UPF3B: variants seen among roughly 807,000 people sequenced by gnomAD.
UPF3B encodes the protein regulator of nonsense transcripts 3B.
Under a neutral mutation model 40.3 loss-of-function variants are expected in UPF3B, and 7 were observed. That is an observed-to-expected ratio of 0.17 (90% CI 0.10 to 0.33). The LOEUF is 0.33. Ranked by LOEUF, UPF3B falls within the 10% of genes least tolerant of loss-of-function variation. The pLI is 1.00. For missense variants in UPF3B, 229 were observed against 358.9 expected, an observed-to-expected ratio of 0.64 and a Z score of 2.93; for synonymous variants, 117 against 117.3, an observed-to-expected ratio of 1.00 and a Z score of 0.01.
chrX:119,831,296 C>A (rs1180773052), downstream of UPF3B, among the ~76,000 whole-genome samples: 1 of 109,143 alleles, frequency 9.2e-6, no homozygotes, highest in Non-Finnish European at 1.9e-5. Flanking sequence ...GCCATCAGGA[C>A]TTATCACACA....
intron 3 of UPF3B, among the ~76,000 whole-genome samples, chrX:119,846,062 C>T (rs183831748): frequency 6.6e-4 from 73 of 110,005 alleles, no homozygotes; most frequent in Non-Finnish European, 9.7e-4. Flanking sequence ...GGCTGGGCAC[C>T]GTGGCTTATG....
At chrX:119,826,262 A>G (rs990868563) in intron 3 of UPF3B, among the ~76,000 whole-genome samples, 13 of 110,413 alleles carry the variant, frequency 1.2e-4, no homozygotes, top group African/African-American at 3.6e-4. Context: ...GGGTGGAAAA[A>G]CTGAGGTCAG....
At chrX:119,809,906 G>A (rs1400558438) in intron 5 of UPF3B, among the ~76,000 whole-genome samples, 1 of 111,623 alleles carries the variant, frequency 9.0e-6, no homozygotes, top group Non-Finnish European at 1.9e-5. Flanking sequence ...AGGTTAGGGT[G>A]GAAGAATGGT....
Position 119,851,764 on chromosome X carries a change from T to TTTTTTTA in UPF3B, c.263+2_263+3insTAAAAAA. 1.0e-6 allele frequency: 1 copy of TTTTTTTA among 968,487 alleles called. No individual in the cohort carries two copies. The highest frequency in any genetic ancestry group is 1.4e-6 in the Non-Finnish European group (1 of 710,206). 79.8% of individuals were successfully genotyped at this position (968,487 alleles called of 1,213,427 possible). ...ACCCCTTTCCTTTTTTTTTTTTTTT[T>TTTTTTTA]ACCTCGTATCATTAGAAAAAAACTC... is the stretch of plus-strand genomic sequence containing the variant. On this transcript the variant is annotated splice_region_variant and intron_variant, in intron 2 of 10. Transcript: ENST00000276201.
intron 5 of UPF3B, among the ~76,000 whole-genome samples, chrX:119,814,980 C>T (rs1002300874): frequency 9.4e-6 from 1 of 106,251 alleles, no homozygotes. Context: ...ATTCTCCTGC[C>T]TCAGCCTCCC....
At chrX:119,830,426 C>T (rs959871397), downstream of UPF3B, among the ~76,000 whole-genome samples, 14 of 110,859 alleles carry the variant, frequency 1.3e-4, no homozygotes, top group African/African-American at 4.6e-4. Context: ...CTTGCTCACT[C>T]TGTGATGTGG....
intron 6 of UPF3B, 88 bp from the exon 7 acceptor site, chrX:119,841,346 G>A: frequency 8.5e-7 from 1 of 1,175,507 alleles, no homozygotes; most frequent in Non-Finnish European, 1.1e-6. Context: ...GGCCCCAACT[G>A]AATAATCTTT....
intron 3 of UPF3B, among the ~76,000 whole-genome samples, chrX:119,823,719 A>C (rs917896772): frequency 9.2e-6 from 1 of 109,152 alleles, no homozygotes; most frequent in African/African-American, 3.3e-5. Context: ...ATGCGCCACC[A>C]TGCCCGGCTA....
intron 3 of UPF3B, among the ~76,000 whole-genome samples, chrX:119,850,418 A>G (rs1255446581): frequency 1.8e-5 from 2 of 112,375 alleles, no homozygotes; most frequent in Non-Finnish European, 3.8e-5. Flanking sequence ...ATCTACTGGA[A>G]TAAAATAGTT....
downstream of UPF3B, among the ~76,000 whole-genome samples, chrX:119,830,949 T>A (rs2056030307): frequency 9.0e-6 from 1 of 111,565 alleles, no homozygotes; most frequent in African/African-American, 3.2e-5. Flanking sequence ...CAATTCAGGA[T>A]GAACAACAGC....
chrX:119,820,287 G>A (rs1397759131), intron 4 of UPF3B, among the ~76,000 whole-genome samples: 1 of 111,509 alleles, frequency 9.0e-6, no homozygotes, highest in Non-Finnish European at 1.9e-5. Flanking sequence ...TGGACTACAG[G>A]TGTGCTCCAC....
chrX:119,845,856 TA>T (rs2056221511), intron 3 of UPF3B, among the ~76,000 whole-genome samples: 1 of 111,482 alleles, frequency 9.0e-6, no homozygotes, highest in Non-Finnish European at 1.9e-5. Flanking sequence ...ATAAAGCTGT[TA>T]TTTTTTAAAA....
intron 5 of UPF3B, among the ~76,000 whole-genome samples, chrX:119,811,131 C>T (rs1164595114): frequency 9.1e-6 from 1 of 109,854 alleles, no homozygotes; most frequent in Admixed American, 9.7e-5. Context: ...CTCCGCCTCC[C>T]GGGTTCAAGC....
chrX:119,850,815 T>G (rs6646499), intron 3 of UPF3B, among the ~76,000 whole-genome samples: 2 of 110,985 alleles, frequency 1.8e-5, no homozygotes, highest in African/African-American at 6.5e-5. Flanking sequence ...CTCAGCTCAC[T>G]GCAACCTCTG....
chrX:119,842,597 CACACACAT>C (rs1556379983), intron 5 of UPF3B, among the ~76,000 whole-genome samples: 45 of 57,034 alleles, frequency 7.9e-4, no homozygotes, highest in South Asian at 2.6e-3. Context: ...CACACACACA[CACACACAT>C]ACACACACAC....
At chrX:119,811,197 C>T (rs1415612064) in intron 5 of UPF3B, among the ~76,000 whole-genome samples, 1 of 110,697 alleles carries the variant, frequency 9.0e-6, no homozygotes, top group African/African-American at 3.3e-5. Flanking sequence ...CGACACAACA[C>T]ACAGCAATTT....
At chrX:119,851,453 T>C (rs753139911) in intron 3 of UPF3B, 42 bp downstream of exon 3, 1 of 996,913 alleles carries the variant, frequency 1.0e-6, no homozygotes, top group African/African-American at 1.9e-5. Flanking sequence ...AACATACAAA[T>C]GACAAAGAAA....
chrX:119,839,582 G>T (rs777891600), intron 8 of UPF3B, among the ~76,000 whole-genome samples: 36 of 112,261 alleles, frequency 3.2e-4, no homozygotes, highest in African/African-American at 1.1e-3. Flanking sequence ...GTCTCAGAGT[G>T]AAGGTATCAC....
downstream of UPF3B, among the ~76,000 whole-genome samples, chrX:119,833,432 C>T (rs1302955368): frequency 9.0e-6 from 1 of 111,676 alleles, no homozygotes; most frequent in African/African-American, 3.3e-5. Context: ...CTTGACTTCC[C>T]AGACTGAAGT....
Sources: gnomAD v4.1 joint callset for allele counts (sites outside exome capture counted in the v4.1 genomes callset) on GRCh38, gnomAD v4.1.1 for gene constraint, MANE v1.5 for transcripts, NCBI Gene and HGNC (gene_info 2026-07-23, HGNC 2026-07-21) for gene names.